NEU3: variants seen among roughly 807,000 people sequenced by gnomAD.
NEU3 encodes the protein sialidase-3.
A neutral mutation model predicts 11.4 loss-of-function variants in NEU3; 10 were observed. The observed-to-expected ratio is 0.88, with a 90% CI of 0.54 to 1.49. The LOEUF (loss-of-function observed/expected upper bound fraction) is 1.49. NEU3 is among the 40% of genes most tolerant of loss of function. The pLI is 0.00. For missense variants in NEU3, 529 were observed against 581.8 expected (o/e 0.91, Z 0.93); for synonymous variants, 212 against 228.2 (o/e 0.93, Z 0.64).
chr11:74,983,986 T>C (rs949695128), upstream of NEU3, among the ~76,000 whole-genome samples: 1 of 152,176 alleles, frequency 6.6e-6, no homozygotes, highest in Non-Finnish European at 1.5e-5. Context: ...ATTGGTCTTA[T>C]CCTGTTACAT....
chr11:74,983,670 T>C (rs28637653), upstream of NEU3, among the ~76,000 whole-genome samples: 7,134 of 152,314 alleles, frequency 0.047, 192 homozygotes, highest in African/African-American at 0.076. Context: ...TTCTTGACTT[T>C]AGCTGCAGTC....
Position 75,007,907 on chromosome 11 carries a change from A to C in NEU3, c.*1415A>C, listed in dbSNP as rs775856168. 3 of 152,182 alleles carry C rather than the reference A, an allele frequency of 2.0e-5. No homozygotes were observed. Among genetic ancestry groups the C allele is most frequent in the Non-Finnish European group, 4.4e-5 (3 of 68,036 alleles). The allele number at this position is 152,182 out of a possible 1,614,324, so 9.4% of individuals were successfully genotyped here. A position where few individuals can be genotyped will look rare whatever the true frequency, so the allele number is the denominator to read the frequency against. On this transcript the variant is annotated 3_prime_UTR_variant, in exon 3 of 3. Transcript: ENST00000294064. ...GTGTTGTACAATGACCACAGAGAAC[A>C]AGTCTTAGTCATGAAATATAGCCTA...
At chr11:74,988,779 C>T, upstream of NEU3, 1 of 479,974 alleles carries the variant, frequency 2.1e-6, no homozygotes, top group Non-Finnish European at 3.7e-6. Flanking sequence ...GCCGGTCCCA[C>T]GCCGTGGTGG....
upstream of NEU3, among the ~76,000 whole-genome samples, chr11:74,984,657 A>G (rs924594484): frequency 1.3e-5 from 2 of 152,154 alleles, no homozygotes; most frequent in African/African-American, 4.8e-5. Context: ...ACTTGATCGC[A>G]TTACTTAATA....
chr11:74,982,394 A>T, the NEU3 span, among the ~76,000 whole-genome samples: 1 of 152,218 alleles, frequency 6.6e-6, no homozygotes, highest in African/African-American at 2.4e-5. Context: ...ACTGAGGTAC[A>T]GCCCAAGAAG....
At chr11:75,012,923 C>G (rs1057008949), downstream of NEU3, among the ~76,000 whole-genome samples, 1 of 152,194 alleles carries the variant, frequency 6.6e-6, no homozygotes, top group Non-Finnish European at 1.5e-5. Flanking sequence ...TGATCACCTT[C>G]GCTATGTTCT....
intron 2 of NEU3, among the ~76,000 whole-genome samples, chr11:75,001,429 G>A (rs929980031): frequency 6.6e-6 from 1 of 151,810 alleles, no homozygotes; most frequent in South Asian, 2.1e-4. Flanking sequence ...ACAGGTGTGT[G>A]CCACCATGCC....
rs763468735 is a variant in NEU3 at position 74,994,663 on chromosome 11, T to A, written c.249T>A (p.Asp83Glu). ...CAGAGAAGCGTTCTACGAGGAGAGA[T>A]GAGGATGCTCTCCACCTGGTGCTGA... ...AFAEKRSTRR[D>E]EDALHLVLRR... Residue 83 changes from aspartate (D) to glutamate (E), a missense_variant, in exon 2 of 3, where the codon GAT becomes GAA. By Grantham distance (45) the Asp-to-Glu change is conservative. Coordinates refer to ENST00000294064, the MANE Select transcript of NEU3 (RefSeq NM_006656.6). The A allele has an allele frequency of 1.2e-6, 2 of 1,613,780 alleles. No individual in the cohort carries two copies. The highest frequency in any genetic ancestry group is 3.3e-5 in the Admixed American group (2 of 60,006).
At chr11:75,015,520 T>C (rs1948976899), downstream of NEU3, among the ~76,000 whole-genome samples, 1 of 152,078 alleles carries the variant, frequency 6.6e-6, no homozygotes, top group Non-Finnish European at 1.5e-5. Context: ...CCCTCAAGCT[T>C]CCCCCTCCAC....
In NEU3 at chr11:75,006,081, A is replaced by T; in HGVS notation, c.975A>T (p.Pro325=). ...SVVSFRPLEI[P]HRCQDSSSKD... ...TAAGTTTCCGGCCCCTGGAGATCCC[A>T]CATAGGTGCCAGGACTCTAGCAGCA... The change falls in exon 3 of 3, where the codon CCA becomes CCT. Residue 325 remains proline (P), a synonymous_variant. Coordinates refer to ENST00000294064, the MANE Select transcript of NEU3 (RefSeq NM_006656.6). The T allele has an allele frequency of 6.2e-7, 1 of 1,613,998 alleles. No individual in the cohort carries two copies. Among genetic ancestry groups the T allele is most frequent in the Non-Finnish European group, 8.5e-7 (1 of 1,179,882 alleles).
chr11:74,995,090 T>C (rs573013949), intron 2 of NEU3: 10 of 528,294 alleles, frequency 1.9e-5, no homozygotes, highest in African/African-American at 1.7e-4. Context: ...TAACGTATGA[T>C]GTGCCTTTCA....
the NEU3 span, among the ~76,000 whole-genome samples, chr11:74,982,914 A>G: frequency 2.0e-5 from 3 of 151,996 alleles, no homozygotes; most frequent in Non-Finnish European, 2.9e-5. Context: ...CACCTCTCAC[A>G]CTTCTGGCTG....
In NEU3 at chr11:75,006,460, G is replaced by A. The variant is rs372569575; in HGVS notation, c.1354G>A (p.Gly452Ser). ...SHLQGDCTSPGRNPSQFKSN is the reference protein window; with the variant it reads ...SHLQGDCTSPSRNPSQFKSN ...CCTGCAGGGGGACTGCACCAGCCCT[G>A]GTAGGAACCCAAGCCAATTCAAAAG... The change falls in exon 3 of 3, where the codon GGT becomes AGT. Residue 452 changes from glycine to serine, a missense_variant. Coordinates refer to ENST00000294064, the MANE Select transcript of NEU3 (RefSeq NM_006656.6). The A allele has an allele frequency of 7.4e-6, 12 of 1,613,056 alleles. No individual in the cohort carries two copies. The African/African-American group carries it at 1.5e-4, about 20-fold the overall frequency.
chr11:74,998,043 A>G lies in NEU3; in HGVS notation c.306+3323A>G, dbSNP rs907888639. On this transcript the variant is annotated intron_variant, in intron 2 of 2. Transcript: ENST00000294064. ...CACTTGAACACTTAGAGGCCATTGTAGGGTTACTAATTGGCCTAATTTCAA... is the reference window on the plus strand; with the variant it reads ...CACTTGAACACTTAGAGGCCATTGTGGGGTTACTAATTGGCCTAATTTCAA... Among the ~76,000 whole-genome samples, 2 of 152,126 alleles carry G rather than the reference A, an allele frequency of 1.3e-5. 1 individual carries two copies. Among genetic ancestry groups the G allele is most frequent in the Non-Finnish European group, 2.9e-5 (2 of 68,016 alleles).
At chr11:74,990,579 C>A (rs55772834) in intron 1 of NEU3, among the ~76,000 whole-genome samples, 7,767 of 152,122 alleles carry the variant, frequency 0.051, 279 homozygotes, top group Non-Finnish European at 0.08. Context: ...AGGGTGGTCT[C>A]GAACTCCTGA....
At chr11:74,983,094 C>A in the NEU3 span, among the ~76,000 whole-genome samples, 1 of 152,132 alleles carries the variant, frequency 6.6e-6, no homozygotes, top group East Asian at 1.9e-4. Context: ...AAAATTGGAT[C>A]CTGACCAACA....
chr11:74,987,058 C>T (rs1375923271), upstream of NEU3, among the ~76,000 whole-genome samples: 1 of 152,124 alleles, frequency 6.6e-6, no homozygotes, highest in Non-Finnish European at 1.5e-5. Flanking sequence ...TTGATAATTG[C>T]TGTCTAGATT....
At chr11:74,990,154 A>G (rs1948714584) in intron 1 of NEU3, 1 of 632,678 alleles carries the variant, frequency 1.6e-6, no homozygotes, top group African/African-American at 1.8e-5. Flanking sequence ...GCAGTTTAAA[A>G]TTTATAAAAC....
chr11:75,010,004 A>T lies in NEU3; in HGVS notation c.*3512A>T, dbSNP rs1948940880. On this transcript the variant is annotated 3_prime_UTR_variant, in exon 3 of 3. Coordinates refer to ENST00000294064, the MANE Select transcript of NEU3 (RefSeq NM_006656.6). ...CCTCCCCAGGGCAGTAGGAATTGAT[A>T]TCTCACTTTTGCCAGATTAGGCTTC... is the stretch of plus-strand genomic sequence containing the variant. The T allele has an allele frequency of 6.6e-6, 1 of 152,252 alleles. No homozygotes were observed. Among genetic ancestry groups the T allele is most frequent in the South Asian group, 2.1e-4 (1 of 4,828 alleles). 9.4% of individuals were successfully genotyped at this position (152,252 alleles called of 1,614,324 possible).
Sources: gnomAD v4.1 joint callset for allele counts (sites outside exome capture counted in the v4.1 genomes callset) on GRCh38, gnomAD v4.1.1 for gene constraint, MANE v1.5 for transcripts, NCBI Gene and HGNC (gene_info 2026-07-23, HGNC 2026-07-21) for gene names.